DLC1: variants seen among roughly 807,000 people sequenced by gnomAD.
DLC1 encodes the protein DLC1 Rho GTPase activating protein, also known as rho GTPase-activating protein 7.
DLC1 carries 54 observed loss-of-function variants against 140.3 expected under a neutral mutation model. The ratio of observed to expected loss-of-function variants is 0.38; its 90% CI spans 0.31 to 0.48. DLC1 has a LOEUF of 0.48. Ranked by LOEUF, DLC1 falls within the 20% of genes least tolerant of loss-of-function variation. The pLI is 0.96. For synonymous variants in DLC1, 986 were observed against 728.1 expected (o/e 1.35, Z -5.70); for missense variants, 2,536 against 1,907.0 (o/e 1.33, Z -6.14).
At chr8:13,261,589 G>T (rs1474992387) in intron 5 of DLC1, among the ~76,000 whole-genome samples, 1 of 152,148 alleles carries the variant, frequency 6.6e-6, no homozygotes, top group African/African-American at 2.4e-5. Context: ...AGGAGTGACT[G>T]TAAGAACACA....
chr8:13,245,967 G>T (rs1196536604), intron 5 of DLC1, among the ~76,000 whole-genome samples: 1 of 152,148 alleles, frequency 6.6e-6, no homozygotes, highest in East Asian at 1.9e-4. Context: ...CCCTCAAAGT[G>T]CTGGGATTAC....
intron 5 of DLC1, among the ~76,000 whole-genome samples, chr8:13,230,102 G>A (rs759605539): frequency 2.6e-5 from 4 of 152,214 alleles, no homozygotes; most frequent in Admixed American, 6.5e-5. Flanking sequence ...GCTACTTTAT[G>A]AGGTTCACTG....
chr8:13,120,160 C>T (rs1187459903), intron 5 of DLC1, among the ~76,000 whole-genome samples: 11 of 150,436 alleles, frequency 7.3e-5, no homozygotes, highest in Non-Finnish European at 1.0e-4. Flanking sequence ...CTGGCCAACA[C>T]GGTGAAACCC....
intron 5 of DLC1, among the ~76,000 whole-genome samples, chr8:13,192,047 T>C (rs759182524): frequency 1.3e-5 from 2 of 151,738 alleles, no homozygotes; most frequent in Non-Finnish European, 2.9e-5. Context: ...GTTCCAGAGG[T>C]TCTCCTGCCT....
At chr8:13,112,903 A>AT (rs941860687) in intron 6 of DLC1, among the ~76,000 whole-genome samples, 2 of 152,130 alleles carry the variant, frequency 1.3e-5, no homozygotes, top group Non-Finnish European at 2.9e-5. Context: ...ATTAAGGAAT[A>AT]TTTTTTAATA....
At chr8:13,488,675 C>T (rs1021973699) in intron 2 of DLC1, among the ~76,000 whole-genome samples, 41 of 152,112 alleles carry the variant, frequency 2.7e-4, no homozygotes, top group Non-Finnish European at 4.4e-5. Flanking sequence ...CAAATTCTGG[C>T]GATCTGAATA....
At chr8:13,195,715 T>C (rs181217623) in intron 5 of DLC1, among the ~76,000 whole-genome samples, 2 of 152,288 alleles carry the variant, frequency 1.3e-5, no homozygotes, top group African/African-American at 4.8e-5. Flanking sequence ...CATAGCTCCT[T>C]AGAGATGGTG....
intron 4 of DLC1, among the ~76,000 whole-genome samples, chr8:13,390,938 T>C (rs977068727): frequency 6.7e-6 from 1 of 148,488 alleles, no homozygotes; most frequent in Non-Finnish European, 1.5e-5. Flanking sequence ...TGAGCTGAGA[T>C]TGCACCACTG....
At chr8:13,288,885 C>G (rs1215783540) in intron 5 of DLC1, among the ~76,000 whole-genome samples, 1 of 152,174 alleles carries the variant, frequency 6.6e-6, no homozygotes, top group African/African-American at 2.4e-5. Flanking sequence ...TTAGGGGAAG[C>G]TAAAGGTTGT....
chr8:13,408,270 A>G (rs1002477143), intron 2 of DLC1, among the ~76,000 whole-genome samples: 1 of 152,220 alleles, frequency 6.6e-6, no homozygotes, highest in Non-Finnish European at 1.5e-5. Flanking sequence ...ATGATGATGG[A>G]TAGATAATAT....
At chr8:13,577,910 T>C (rs957345360) in intron 1 of DLC1, among the ~76,000 whole-genome samples, 5 of 152,074 alleles carry the variant, frequency 3.3e-5, no homozygotes, top group Non-Finnish European at 5.9e-5. Context: ...AGCCAGTTGA[T>C]TAAAATTAAG....
intron 2 of DLC1, among the ~76,000 whole-genome samples, chr8:13,490,978 A>AATAT (rs3066372): frequency 4.8e-5 from 7 of 145,798 alleles, no homozygotes; most frequent in African/African-American, 7.5e-5. Flanking sequence ...AATTTATATA[A>AATAT]ATATATATAT....
intron 1 of DLC1, among the ~76,000 whole-genome samples, chr8:13,528,629 G>A (rs560273195): frequency 4.6e-5 from 7 of 152,228 alleles, no homozygotes; most frequent in African/African-American, 9.6e-5. Context: ...TATTTGCCAA[G>A]TTCTTATGTA....
chr8:13,437,961 G>A lies in DLC1; in HGVS notation c.1024-36342C>T, dbSNP rs1461615181. On this transcript the variant is annotated intron_variant, in intron 2 of 17. Coordinates refer to ENST00000276297, the MANE Select transcript of DLC1 (RefSeq NM_182643.3). ...GAAACTAAAAAAAAAAATTGAGAAG[G>A]TTATAAGGGTCCCCAGGAAGAATGA... 4.0e-5 allele frequency among the ~76,000 whole-genome samples: 6 copies of A among 151,302 alleles called. 1 individual carries two copies. The South Asian group carries it at 1.0e-3, about 26-fold the overall frequency.
chr8:13,262,609 G>T (rs1401289619), intron 5 of DLC1, among the ~76,000 whole-genome samples: 1 of 152,084 alleles, frequency 6.6e-6, no homozygotes, highest in Non-Finnish European at 1.5e-5. Context: ...ACTCAGGCAG[G>T]AGTGCAGTGG....
chr8:13,366,763 G>C (rs139300183), intron 4 of DLC1, among the ~76,000 whole-genome samples: 13 of 152,270 alleles, frequency 8.5e-5, no homozygotes, highest in Admixed American at 3.3e-4. Context: ...ACACAGGAAA[G>C]ATCTTTCCAG....
At chr8:13,323,244 G>T (rs1346403037) in intron 4 of DLC1, among the ~76,000 whole-genome samples, 2 of 152,188 alleles carry the variant, frequency 1.3e-5, no homozygotes, top group African/African-American at 2.4e-5. Context: ...AAATGCATTT[G>T]CCTATATATT....
At chr8:13,487,584 T>A (rs1461965397) in intron 2 of DLC1, among the ~76,000 whole-genome samples, 1 of 152,018 alleles carries the variant, frequency 6.6e-6, no homozygotes, top group African/African-American at 2.4e-5. Flanking sequence ...TTCCTTTTTT[T>A]TTTTTTTGAA....
At chr8:13,573,471 C>G (rs1420294659) in intron 1 of DLC1, among the ~76,000 whole-genome samples, 3 of 152,096 alleles carry the variant, frequency 2.0e-5, no homozygotes, top group African/African-American at 7.2e-5. Flanking sequence ...ATTGCTATGG[C>G]TATCACTTCC....
Sources: gnomAD v4.1 joint callset for allele counts (sites outside exome capture counted in the v4.1 genomes callset) on GRCh38, gnomAD v4.1.1 for gene constraint, MANE v1.5 for transcripts, NCBI Gene and HGNC (gene_info 2026-07-23, HGNC 2026-07-21) for gene names.